PLG: variants seen among roughly 807,000 people sequenced by gnomAD.
PLG encodes plasmin.
In PLG, 41 loss-of-function variants were observed where a neutral mutation model predicts 104.4. That is an observed-to-expected ratio of 0.39 (90% CI 0.31 to 0.51). The LOEUF (loss-of-function observed/expected upper bound fraction) is 0.51. PLG is among the 20% of genes least tolerant of loss of function. The pLI is 0.76. For synonymous variants in PLG, 337 were observed against 357.1 expected (o/e 0.94, Z 0.63); for missense variants, 891 against 1,003.6 (o/e 0.89, Z 1.52).
intron 17 of PLG, among the ~76,000 whole-genome samples, chr6:160,748,358 A>AAGAAAGAAAGAGAGAGAGAGAGAGAGAG (rs1778317493): frequency 8.5e-5 from 3 of 35,172 alleles, no homozygotes; most frequent in African/African-American, 2.0e-4. Flanking sequence ...AAGAGAAAGA[A>AAGAAAGAAAGAGAGAGAGAGAGAGAGAG]AGAAAGAAAG....
Position 160,736,919 on chromosome 6 carries a change from G to C in PLG, c.1714G>C (p.Val572Leu). ...APSFDCGKPQVEPKKCPGRVV... is the reference protein window; with the variant it reads ...APSFDCGKPQLEPKKCPGRVV... ...TTCATTTGATTGTGGGAAGCCTCAA[G>C]TGGAGCCGAAGAAATGTCCTGGAAG... Residue 572 changes from valine (V) to leucine (L), a missense_variant, in exon 14 of 19, where the codon GTG (valine) becomes CTG (leucine). By Grantham distance (32) the Val-to-Leu change is conservative. Transcript: ENST00000308192. The surrounding 1 kb of genome is among the most constrained non-coding windows in gnomAD (Gnocchi z 5.2). The C allele has an allele frequency of 6.2e-7, 1 of 1,614,002 alleles. No homozygotes were observed. The highest frequency in any genetic ancestry group is 8.5e-7 in the Non-Finnish European group (1 of 1,179,932).
rs537434214 is a variant in PLG at position 160,744,096 on chromosome 6, T to A, written c.2125+2679T>A. On this transcript the variant is annotated intron_variant, in intron 17 of 18. Transcript: ENST00000308192. This position sits in a 1 kb window ranked among gnomAD's most constrained non-coding sequence, Gnocchi z 4.5. ...TAAAGGATTTTTGCATCAGTGTTCA[T>A]CAAGGATATTGGCCTGAAGTTTTTT... 1.2e-4 allele frequency among the ~76,000 whole-genome samples: 19 copies of A among 152,356 alleles called. No individual in the cohort carries two copies. The highest frequency in any genetic ancestry group is 2.1e-4 in the Non-Finnish European group (14 of 68,026).
At chr6:160,728,647 G>A (rs1777955216) in intron 10 of PLG, among the ~76,000 whole-genome samples, 1 of 151,956 alleles carries the variant, frequency 6.6e-6, no homozygotes, top group South Asian at 2.1e-4. Context: ...ATTCAACAGG[G>A]AAAAACATCT....
At chr6:160,706,326 T>C in intron 1 of PLG, 81 bp from the exon 2 acceptor site, 2 of 1,578,004 alleles carry the variant, frequency 1.3e-6, no homozygotes, top group South Asian at 1.1e-5. Context: ...GCTAACCAAA[T>C]AGATTAAAAG....
rs186449460 is a variant in PLG, at chr6:160,731,625, T to C, written c.1439-120T>C. On this transcript the variant is annotated intron_variant, in intron 11 of 18. Coordinates refer to ENST00000308192, the MANE Select transcript of PLG (RefSeq NM_000301.5). This position sits in a 1 kb window ranked among gnomAD's most constrained non-coding sequence, Gnocchi z 5.1. ...TTCATTGCAGTCTTCAGCATTGCAGTTTCTGAGGAATGTGGCCCCTGATTC... is the reference window on the plus strand; with the variant it reads ...TTCATTGCAGTCTTCAGCATTGCAGCTTCTGAGGAATGTGGCCCCTGATTC... 5 of 951,816 alleles carry C rather than the reference T, an allele frequency of 5.3e-6. No homozygotes were observed. In the Admixed American group the frequency reaches 8.6e-5, roughly 16 times the overall value. 59.0% of individuals were successfully genotyped at this position (951,816 alleles called of 1,614,324 possible).
rs1232055289 is a variant in PLG at position 160,723,315 on chromosome 6, A to G, written c.1256+748A>G. On this transcript the variant is annotated intron_variant, in intron 10 of 18. Coordinates refer to ENST00000308192, the MANE Select transcript of PLG (RefSeq NM_000301.5). This position sits in a 1 kb window ranked among gnomAD's most constrained non-coding sequence, Gnocchi z 4.7. ...CAGCGAAAGAGGCCATTAGATGAAC[A>G]GAAAACCAGGTCTAACAAGGACAGC... Among the ~76,000 whole-genome samples, 1 of 152,228 alleles carries G rather than the reference A, an allele frequency of 6.6e-6. No homozygotes were observed. The highest frequency in any genetic ancestry group is 1.5e-5 in the Non-Finnish European group (1 of 68,038).
rs529314051 is a variant in PLG, at chr6:160,726,274, T to C, written c.1256+3707T>C. ...TTGAGCAAAACAGAATTAAATGAGA[T>C]ATAAATAACAAAAAAATTGGGAAAT... On this transcript the variant is annotated intron_variant, in intron 10 of 18. Transcript: ENST00000308192. The surrounding 1 kb of genome is among the most constrained non-coding windows in gnomAD (Gnocchi z 4.4). Among the ~76,000 whole-genome samples, 16 of 152,006 alleles carry C rather than the reference T, an allele frequency of 1.1e-4. No individual in the cohort carries two copies. In the South Asian group the frequency reaches 2.1e-3, roughly 20 times the overall value.
rs368638671 is a variant in PLG, at chr6:160,713,043, A to G, written c.465A>G (p.Pro155=). The change falls in exon 5 of 19, where the codon CCA becomes CCG. Residue 155 remains proline (P), a synonymous_variant. Transcript: ENST00000308192. ...TGGAGGAGAACTACTGCAGGAATCC[A>G]GACAACGATCCGCAGGGGCCCTGGT... ...EGLEENYCRN[P]DNDPQGPWCY... 1.9e-6 allele frequency: 3 copies of G among 1,609,292 alleles called. No individual in the cohort carries two copies. Among genetic ancestry groups the G allele is most frequent in the Non-Finnish European group, 2.5e-6 (3 of 1,177,492 alleles).
chr6:160,740,688 G>A lies in PLG; in HGVS notation c.2019-623G>A, dbSNP rs1043376404. On this transcript the variant is annotated intron_variant, in intron 16 of 18. Transcript: ENST00000308192. This position sits in a 1 kb window ranked among gnomAD's most constrained non-coding sequence, Gnocchi z 5.2. Reference sequence around the variant, plus strand: ...TAAAGTAGAATCAGGTCTAAAAACCGGAGTTCTAATGTTTGAGAGTCCCTG... The same window carrying A: ...TAAAGTAGAATCAGGTCTAAAAACCAGAGTTCTAATGTTTGAGAGTCCCTG... Among the ~76,000 whole-genome samples, 7 of 152,190 alleles carry A rather than the reference G, an allele frequency of 4.6e-5. No homozygotes were observed. Among genetic ancestry groups the A allele is most frequent in the Admixed American group, 1.3e-4 (2 of 15,284 alleles).
chr6:160,707,916 T>A, intron 3 of PLG, 110 bp downstream of exon 3: 10 of 971,366 alleles, frequency 1.0e-5, no homozygotes, highest in Non-Finnish European at 1.7e-5. Flanking sequence ...GGCACTATCG[T>A]GTTATAAAAC....
In PLG at chr6:160,733,997, C is replaced by T. The variant is rs1778047131; in HGVS notation, c.1590C>T (p.Tyr530=). 4.4e-6 allele frequency: 7 copies of T among 1,593,524 alleles called. No homozygotes were observed. The highest frequency in any genetic ancestry group is 6.0e-6 in the Non-Finnish European group (7 of 1,161,676). The change falls in exon 13 of 19, where the codon TAC becomes TAT. Residue 530 remains tyrosine (Y), a splice_region_variant and synonymous_variant. Transcript: ENST00000308192. ...TNPRAGLEKN[Y]CRNPDGDVGG... ...CTTACATGCCTTCTTGTTTTCAGTA[C>T]TGCCGTAACCCTGATGGTGATGTAG...
At position 160,723,111 on chromosome 6, in the gene PLG, A is replaced by G. The variant is rs765359619; in HGVS notation, c.1256+544A>G. ...ATATAGTGTGTATATATATGTACAC[A>G]TATATGTGTGTATATATATGTACAC... is the stretch of plus-strand genomic sequence containing the variant. On this transcript the variant is annotated intron_variant, in intron 10 of 18. Transcript: ENST00000308192. The surrounding 1 kb of genome is among the most constrained non-coding windows in gnomAD (Gnocchi z 4.7). Among the ~76,000 whole-genome samples the G allele has an allele frequency of 4.2e-4, 64 of 151,058 alleles. No homozygotes were observed. Among genetic ancestry groups the G allele is most frequent in the Middle Eastern group, 7.1e-3 (2 of 282 alleles).
rs1319292694 is a variant in PLG, at chr6:160,748,377, AAAGAAAGAAAGAAAGAAAGAAAGG to A, written c.2126-3722_2126-3699del. ...GAAAGAAAGAAAGAAAGAAAGAAAG[AAAGAAAGAAAGAAAGAAAGAAAGG>A]AAGAAAGAAAGAAAGGGAAAGAAAG... On this transcript the variant is annotated intron_variant, in intron 17 of 18. Transcript: ENST00000308192. Among the ~76,000 whole-genome samples, 46 of 45,976 alleles carry A rather than the reference AAAGAAAGAAAGAAAGAAAGAAAGG, an allele frequency of 1.0e-3. 1 individual carries two copies. The highest frequency in any genetic ancestry group is 1.1e-3 in the South Asian group (1 of 922). The allele number at this position is 45,976 out of a possible 152,430, so 30.2% of individuals were successfully genotyped here. A position where few individuals can be genotyped will look rare whatever the true frequency, so the allele number is the denominator to read the frequency against.
At chr6:160,730,946 T>C (rs950018947) in intron 10 of PLG, 105 bp from the exon 11 acceptor site, 4 of 1,150,390 alleles carry the variant, frequency 3.5e-6, no homozygotes, top group Non-Finnish European at 5.2e-6. Flanking sequence ...TGGGAATATT[T>C]CAAAGCCACT....
chr6:160,714,510 A>T (rs1447220109), intron 5 of PLG, among the ~76,000 whole-genome samples: 1 of 152,216 alleles, frequency 6.6e-6, no homozygotes, highest in East Asian at 1.9e-4. Context: ...GTCTAAGGAC[A>T]TGGCATCATG....
In PLG at chr6:160,718,469, C is replaced by CCT. The variant is rs1172520344; in HGVS notation, c.950+13_950+14insCT. 8 of 1,599,960 alleles carry CCT rather than the reference C, an allele frequency of 5.0e-6. No homozygotes were observed. Among genetic ancestry groups the CCT allele is most frequent in the Middle Eastern group, 1.6e-4 (1 of 6,068 alleles). On this transcript the variant is annotated intron_variant, in intron 8 of 18. Transcript: ENST00000308192. The stretch of plus-strand genomic sequence containing the variant: ...ACTTCCCCTGCAAGTAAGTCCCCTC[C>CCT]GGTCTCATTCTGCTGCTATGGAATG...
chr6:160,727,272 CAT>C lies in PLG; in HGVS notation c.1257-3778_1257-3777del, dbSNP rs551311333. On this transcript the variant is annotated intron_variant, in intron 10 of 18. Transcript: ENST00000308192. ...CCAATCTGATATCTATTAAAGACAA[CAT>C]GTGTATATAATCTTTAATATGTTAA... Among the ~76,000 whole-genome samples, 993 of 151,264 alleles carry C rather than the reference CAT, an allele frequency of 6.6e-3. 14 individuals are homozygous for C. The highest frequency in any genetic ancestry group is 0.023 in the African/African-American group (944 of 41,308).
chr6:160,717,926 A>C (rs1228064075), intron 7 of PLG, among the ~76,000 whole-genome samples: 1 of 152,184 alleles, frequency 6.6e-6, no homozygotes, highest in African/African-American at 2.4e-5. Context: ...CATCCTCCTT[A>C]ACATCCATCT....
In PLG at chr6:160,722,426, C is replaced by T; in HGVS notation, c.1115C>T (p.Pro372Leu). 1.2e-6 allele frequency: 2 copies of T among 1,611,922 alleles called. No individual in the cohort carries two copies. The highest frequency in any genetic ancestry group is 1.7e-6 in the Non-Finnish European group (2 of 1,178,102). ...LAPTAPPELTPVVQDCYHGDG... is the reference protein window; with the variant it reads ...LAPTAPPELTLVVQDCYHGDG... Reference sequence around the variant, plus strand: ...ATTTCAGCACCACCTGAGCTAACCCCTGTGGTCCAGGACTGCTACCATGGT... The same window carrying T: ...ATTTCAGCACCACCTGAGCTAACCCTTGTGGTCCAGGACTGCTACCATGGT... Residue 372 changes from proline (P) to leucine (L), a missense_variant, in exon 10 of 19, where the codon CCT (proline) becomes CTT (leucine). This residue lies in a region of PLG where 854 missense variants were observed against 932.1 expected (regional missense o/e 0.92). Coordinates refer to ENST00000308192, the MANE Select transcript of PLG (RefSeq NM_000301.5).
Sources: gnomAD v4.1 joint callset for allele counts (sites outside exome capture counted in the v4.1 genomes callset) on GRCh38, gnomAD v4.1.1 for gene constraint, gnomAD v4.1.1 regional missense constraint, Gnocchi (gnomAD v3.1) non-coding constraint, MANE v1.5 for transcripts, NCBI Gene and HGNC (gene_info 2026-07-23, HGNC 2026-07-21) for gene names.